Variants in STX16 observed in about 807,000 individuals in gnomAD.
STX16 encodes the protein syntaxin 16, also known as syntaxin-16.
Under a neutral mutation model 42.7 loss-of-function variants are expected in STX16, and 28 were observed. That is an observed-to-expected ratio of 0.66 (90% CI 0.49 to 0.90). STX16 has a LOEUF of 0.90. STX16 is among the 40% of genes least tolerant of loss of function. STX16 has a pLI of 0.00. For missense variants in STX16, 361 were observed against 420.9 expected (o/e 0.86, Z 1.24); for synonymous variants, 156 against 155.2 (o/e 1.00, Z -0.04).
chr20:58,655,729 A>G (rs2083571312), intron 1 of STX16, among the ~76,000 whole-genome samples: 1 of 152,156 alleles, frequency 6.6e-6, no homozygotes. Flanking sequence ...GTAACCCTGC[A>G]GCCTTGTTAC....
rs775960933 is a variant in STX16 at position 58,669,396 on chromosome 20, C to A, written c.499C>A (p.Gln167Lys). Residue 167 changes from glutamine (Q) to lysine (K), a missense_variant, in exon 5 of 9, where the codon CAG (glutamine) becomes AAG (lysine). Transcript: ENST00000371141. ...LLGNVVASLA[Q>K]ALQELSTSFR... ...TGGGAACGTGGTGGCCTCGCTGGCG[C>A]AGGCCCTGCAGGAACTCTCCACCAG... 2 of 1,612,438 alleles carry A rather than the reference C, an allele frequency of 1.2e-6. No individual in the cohort carries two copies. Among genetic ancestry groups the A allele is most frequent in the Non-Finnish European group, 1.7e-6 (2 of 1,179,604 alleles).
In STX16 at chr20:58,668,079, C is replaced by T; in HGVS notation, c.345C>T (p.Ser115=). 1 of 1,614,242 alleles carries T rather than the reference C, an allele frequency of 6.2e-7. No homozygotes were observed. Among genetic ancestry groups the T allele is most frequent in the Non-Finnish European group, 8.5e-7 (1 of 1,180,040 alleles). ...TAAACAGACCCACCCTGGATGACAG[C>T]AGCGAAGAGGAACATGCCATTGAGA... ...KHLNRPTLDD[S]SEEEHAIEIT... The change falls in exon 4 of 9, where the codon AGC becomes AGT. Residue 115 remains serine (S), a synonymous_variant. Transcript: ENST00000371141.
intron 2 of STX16, among the ~76,000 whole-genome samples, chr20:58,664,592 G>A (rs1034796015): frequency 2.0e-5 from 3 of 152,150 alleles, no homozygotes; most frequent in Non-Finnish European, 2.9e-5. Context: ...CAAAGAGTGT[G>A]TTCTCCCCAC....
intron 7 of STX16, among the ~76,000 whole-genome samples, chr20:58,671,685 C>T (rs957953359): frequency 2.0e-5 from 3 of 152,016 alleles, no homozygotes; most frequent in Non-Finnish European, 4.4e-5. Context: ...ATCCCTCTGA[C>T]TCTAGTGTTC....
chr20:58,652,288 C>A, intron 1 of STX16, 150 bp downstream of exon 1: 1 of 1,144,326 alleles, frequency 8.7e-7, no homozygotes, highest in Non-Finnish European at 1.3e-6. Context: ...AGTCAGGGGG[C>A]ATCTGTAGCC....
At chr20:58,665,735 C>T (rs1485692073) in intron 2 of STX16, among the ~76,000 whole-genome samples, 1 of 152,176 alleles carries the variant, frequency 6.6e-6, no homozygotes, top group Non-Finnish European at 1.5e-5. Context: ...TAAGAAATGA[C>T]ACTGGCCCTG....
chr20:58,668,164 GC>G, intron 4 of STX16, 37 bp downstream of exon 4: 1 of 1,610,830 alleles, frequency 6.2e-7, no homozygotes. Flanking sequence ...AAACCAGCGA[GC>G]CTTCTCATGG....
At position 58,673,494 on chromosome 20, in the gene STX16, G is replaced by T. The variant is rs557181783; in HGVS notation, c.793-137G>T. On this transcript the variant is annotated intron_variant, in intron 7 of 8. Transcript: ENST00000371141. ...TTGAGGGTGAACTCCAGAGCCCTCCGTGTGTACCTGCAGCACACAGGGAAG... is the reference window on the plus strand; with the variant it reads ...TTGAGGGTGAACTCCAGAGCCCTCCTTGTGTACCTGCAGCACACAGGGAAG... 4.9e-6 allele frequency: 3 copies of T among 612,084 alleles called. No individual in the cohort carries two copies. The East Asian group carries it at 8.6e-5, about 18-fold the overall frequency. 37.9% of individuals were successfully genotyped at this position (612,084 alleles called of 1,614,324 possible). A position where few individuals can be genotyped will look rare whatever the true frequency, so the allele number is the denominator to read the frequency against.
intron 8 of STX16, among the ~76,000 whole-genome samples, chr20:58,674,169 ATCT>A (rs1335316068): frequency 2.0e-5 from 3 of 152,196 alleles, no homozygotes; most frequent in Non-Finnish European, 4.4e-5. Flanking sequence ...TAAAAATCTA[ATCT>A]TCTCTTTAAT....
chr20:58,664,681 G>A (rs2083775340), intron 2 of STX16, among the ~76,000 whole-genome samples: 2 of 152,180 alleles, frequency 1.3e-5, no homozygotes, highest in Admixed American at 6.5e-5. Flanking sequence ...CACTTCAACC[G>A]ACTTTTCATA....
intron 2 of STX16, among the ~76,000 whole-genome samples, chr20:58,663,639 G>T (rs1287952392): frequency 3.3e-5 from 5 of 150,184 alleles, no homozygotes; most frequent in African/African-American, 4.9e-5. Context: ...AAAAAATATG[G>T]ATTTTTTTTT....
chr20:58,665,608 G>A (rs775466755), intron 2 of STX16, among the ~76,000 whole-genome samples: 1 of 152,156 alleles, frequency 6.6e-6, no homozygotes, highest in African/African-American at 2.4e-5. Flanking sequence ...TGTCAAGAAT[G>A]TAAAATTCCT....
At chr20:58,666,469 C>G (rs2083833409) in intron 2 of STX16, among the ~76,000 whole-genome samples, 1 of 147,718 alleles carries the variant, frequency 6.8e-6, no homozygotes. Flanking sequence ...GCTCTTGTTG[C>G]CCTGGCTGGA....
Position 58,651,760 on chromosome 20 carries a change from G to A in STX16, c.-247G>A. 1 of 453,038 alleles carries A rather than the reference G, an allele frequency of 2.2e-6. No individual in the cohort carries two copies. Among genetic ancestry groups the A allele is most frequent in the Non-Finnish European group, 4.1e-6 (1 of 246,686 alleles). The allele number at this position is 453,038 out of a possible 1,614,324, so 28.1% of individuals were successfully genotyped here. The stretch of plus-strand genomic sequence containing the variant: ...ACGCAAGGATTGGGGGGATTCAAGT[G>A]CTTAGAGATCGAAGTCTGCCCTGGG... On this transcript the variant is annotated 5_prime_UTR_variant, in exon 1 of 9. Transcript: ENST00000371141.
At chr20:58,674,273 T>C (rs539220648) in intron 8 of STX16, among the ~76,000 whole-genome samples, 7 of 152,326 alleles carry the variant, frequency 4.6e-5, no homozygotes, top group Admixed American at 1.3e-4. Flanking sequence ...AAGGTAGCTG[T>C]TTCAGGGATG....
intron 2 of STX16, among the ~76,000 whole-genome samples, chr20:58,662,051 C>G (rs549542693): frequency 1.3e-5 from 2 of 152,318 alleles, no homozygotes; most frequent in East Asian, 3.9e-4. Flanking sequence ...GAGGAGGACC[C>G]GAGCCCACCA....
In STX16 at chr20:58,651,899, A is replaced by C; in HGVS notation, c.-108A>C. The C allele has an allele frequency of 1.6e-6, 2 of 1,277,830 alleles. No individual in the cohort carries two copies. The highest frequency in any genetic ancestry group is 2.6e-5 in the South Asian group (2 of 75,536). 79.2% of individuals were successfully genotyped at this position (1,277,830 alleles called of 1,614,324 possible). On this transcript the variant is annotated 5_prime_UTR_variant, in exon 1 of 9. Transcript: ENST00000371141. ...GCTTGAGGCCTGAGGCCTTGTCGAG[A>C]AGCTTCCGTGAAAGGGTGGGCCAGC... is the stretch of plus-strand genomic sequence containing the variant.
At chr20:58,667,628 G>A (rs1318430847) in intron 3 of STX16, 31 bp downstream of exon 3, 8 of 1,556,562 alleles carry the variant, frequency 5.1e-6, no homozygotes, top group Non-Finnish European at 7.1e-6. Context: ...ATAGCATCTT[G>A]TTTTTTTAAG....
chr20:58,653,548 A>G (rs1159966546), intron 1 of STX16, among the ~76,000 whole-genome samples: 1 of 152,250 alleles, frequency 6.6e-6, no homozygotes, highest in African/African-American at 2.4e-5. Flanking sequence ...GAATTACATT[A>G]TATTGAAATA....
Sources: allele counts gnomAD v4.1 joint callset (sites outside exome capture counted in the v4.1 genomes callset), GRCh38; gene constraint gnomAD v4.1.1; transcripts MANE v1.5; gene names NCBI Gene and HGNC (gene_info 2026-07-23, HGNC 2026-07-21).